GPBP1L1: variants seen among roughly 807,000 people sequenced by gnomAD.
GPBP1L1 encodes vasculin-like protein 1.
In GPBP1L1, 23 loss-of-function variants were observed where a neutral mutation model predicts 52.5. That is an observed-to-expected ratio of 0.44 (90% CI 0.32 to 0.62). GPBP1L1 has a LOEUF of 0.62. Ranked by LOEUF, GPBP1L1 falls within the 20% of genes least tolerant of loss-of-function variation. The pLI is 0.06. For missense variants in GPBP1L1, 596 were observed against 579.3 expected, an observed-to-expected ratio of 1.03 and a Z score of -0.30; for synonymous variants, 243 against 203.1, an observed-to-expected ratio of 1.20 and a Z score of -1.67.
intron 2 of GPBP1L1, among the ~76,000 whole-genome samples, chr1:45,681,952 A>T (rs1557725554): frequency 6.6e-6 from 1 of 152,236 alleles, no homozygotes; most frequent in East Asian, 1.9e-4. Flanking sequence ...TACCGAAATT[A>T]CTTAACTTCT....
At chr1:45,636,124 C>G (rs1412759307) in intron 8 of GPBP1L1, among the ~76,000 whole-genome samples, 1 of 152,158 alleles carries the variant, frequency 6.6e-6, no homozygotes, top group South Asian at 2.1e-4. Context: ...AACTTTCATC[C>G]TTATATTACA....
chr1:45,665,743 T>TA lies in GPBP1L1; in HGVS notation c.-1097-4519dup, dbSNP rs949281797. 6.1e-3 allele frequency among the ~76,000 whole-genome samples: 667 copies of TA among 109,612 alleles called. 4 individuals are homozygous for TA. The highest frequency in any genetic ancestry group is 7.3e-3 in the Non-Finnish European group (405 of 55,776). The allele number at this position is 109,612 out of a possible 152,430, so 71.9% of individuals were successfully genotyped here. A position where few individuals can be genotyped will look rare whatever the true frequency, so the allele number is the denominator to read the frequency against. On this transcript the variant is annotated intron_variant, in intron 2 of 12. Coordinates refer to ENST00000355105, the MANE Select transcript of GPBP1L1 (RefSeq NM_021639.5). ...TGGGCAACAGAGCGAGACGCCGTCT[T>TA]AAAAAAAAAAAAAAAAAAAAAAAAG... is the stretch of plus-strand genomic sequence containing the variant.
At chr1:45,674,707 A>T (rs2148509750) in intron 2 of GPBP1L1, among the ~76,000 whole-genome samples, 1 of 152,356 alleles carries the variant, frequency 6.6e-6, no homozygotes, top group East Asian at 1.9e-4. Flanking sequence ...AACAGTAAAC[A>T]CCTGATACTG....
rs765773919 is a variant in GPBP1L1, at chr1:45,633,615, G to C, written c.918C>G (p.Ile306Met). ...SPSSTTPPIE[I>M]SSSRLTKLTR... The stretch of plus-strand genomic sequence containing the variant: ...TCAACTTGGTCAGACGAGAGGAGCT[G>C]ATCTCAATTGGAGGGGTGGTGCTGG... Residue 306 changes from isoleucine (I) to methionine (M), a missense_variant, in exon 10 of 13, where the codon ATC (isoleucine) becomes ATG (methionine). Transcript: ENST00000355105. 49 of 1,613,874 alleles carry C rather than the reference G, an allele frequency of 3.0e-5. No homozygotes were observed. Among genetic ancestry groups the C allele is most frequent in the Middle Eastern group, 3.3e-4 (2 of 6,084 alleles).
At chr1:45,651,077 C>T in intron 6 of GPBP1L1, 1 of 502,310 alleles carries the variant, frequency 2.0e-6, no homozygotes, top group Non-Finnish European at 4.0e-6. Context: ...TTGAGCTTGG[C>T]AATGCGAGTC....
At chr1:45,635,437 CTGTCTT>C (rs1267871589) in intron 8 of GPBP1L1, 1 of 152,154 alleles carries the variant, frequency 6.6e-6, no homozygotes, top group Non-Finnish European at 1.5e-5. Flanking sequence ...ACCAGATGTC[CTGTCTT>C]TAAAACAATG....
chr1:45,639,753 C>T (rs1181956324), intron 8 of GPBP1L1, among the ~76,000 whole-genome samples: 1 of 151,784 alleles, frequency 6.6e-6, no homozygotes, highest in Admixed American at 6.6e-5. Context: ...TGGTGGCGGG[C>T]GCCTGTAGTC....
chr1:45,640,436 T>A, intron 7 of GPBP1L1, 33 bp from the exon 8 acceptor site: 1 of 1,549,184 alleles, frequency 6.5e-7, no homozygotes, highest in South Asian at 1.1e-5. Context: ...GACAACAGAA[T>A]GTCAAACCTG....
intron 2 of GPBP1L1, among the ~76,000 whole-genome samples, chr1:45,680,525 C>T (rs1645199536): frequency 6.6e-6 from 1 of 152,012 alleles, no homozygotes; most frequent in East Asian, 1.9e-4. Flanking sequence ...AGTTGTGAGC[C>T]ACCATGACCA....
intron 3 of GPBP1L1, among the ~76,000 whole-genome samples, chr1:45,659,389 G>C (rs563172205): frequency 6.6e-6 from 1 of 152,104 alleles, no homozygotes; most frequent in African/African-American, 2.4e-5. Context: ...GGAGAGGAAG[G>C]GTCTTGCTAT....
chr1:45,653,112 C>T (rs1489250365), intron 6 of GPBP1L1, among the ~76,000 whole-genome samples: 1 of 152,186 alleles, frequency 6.6e-6, no homozygotes, highest in African/African-American at 2.4e-5. Context: ...ATATAATTTA[C>T]AGCAAGGACC....
rs1211162440 is a variant in GPBP1L1, at chr1:45,627,621, C to CA, written c.*634dup. The CA allele has an allele frequency of 6.6e-6, 1 of 151,476 alleles. No homozygotes were observed. Among genetic ancestry groups the CA allele is most frequent in the East Asian group, 1.9e-4 (1 of 5,142 alleles). The allele number at this position is 151,476 out of a possible 1,614,324, so 9.4% of individuals were successfully genotyped here. A position where few individuals can be genotyped will look rare whatever the true frequency, so the allele number is the denominator to read the frequency against. ...AATAATCTTAATCTTTGAAATCTCA[C>CA]AAAAATTTATATTTTACAATCCACC... is the stretch of plus-strand genomic sequence containing the variant. On this transcript the variant is annotated 3_prime_UTR_variant, in exon 13 of 13. Transcript: ENST00000355105.
intron 2 of GPBP1L1, among the ~76,000 whole-genome samples, chr1:45,665,266 C>A (rs1405245949): frequency 2.0e-5 from 3 of 151,634 alleles, no homozygotes; most frequent in African/African-American, 7.3e-5. Flanking sequence ...GGGAGACTCT[C>A]ACAAAGAAAA....
chr1:45,629,454 T>TTTCCCCCCCCCCCCCCC (rs758811981), intron 12 of GPBP1L1, 122 bp downstream of exon 12: 5 of 117,618 alleles, frequency 4.3e-5, no homozygotes, highest in Non-Finnish European at 8.1e-5. Context: ...ACTAAGGTAA[T>TTTCCCCCCCCCCCCCCC]CCCCCCCCCC....
chr1:45,659,813 C>T (rs903394183), intron 3 of GPBP1L1, among the ~76,000 whole-genome samples: 3 of 152,040 alleles, frequency 2.0e-5, no homozygotes, highest in African/African-American at 4.8e-5. Flanking sequence ...TGGTGGCACA[C>T]GTCTGTGGTC....
chr1:45,677,843 T>C (rs1044296682), intron 2 of GPBP1L1, among the ~76,000 whole-genome samples: 11 of 152,220 alleles, frequency 7.2e-5, no homozygotes, highest in African/African-American at 9.6e-5. Flanking sequence ...ATTCTGACAC[T>C]ACAAAGTGTT....
chr1:45,680,148 A>G (rs1418125419), intron 2 of GPBP1L1, among the ~76,000 whole-genome samples: 2 of 152,204 alleles, frequency 1.3e-5, no homozygotes, highest in East Asian at 3.8e-4. Flanking sequence ...GATTACAAGT[A>G]AACAGGCTAT....
intron 11 of GPBP1L1, 74 bp from the exon 12 acceptor site, chr1:45,629,752 C>T: frequency 9.7e-7 from 1 of 1,025,690 alleles, no homozygotes; most frequent in Non-Finnish European, 1.5e-6. Flanking sequence ...CCACTTTTCA[C>T]AGAAAAGTTT....
At position 45,683,651 on chromosome 1, in the gene GPBP1L1, GATTGCTTGAGTCCCTGAGTTCGAGACC is replaced by G. The variant is rs1394949405; in HGVS notation, c.-1098+1898_-1098+1924del. Among the ~76,000 whole-genome samples, 17 of 149,846 alleles carry G rather than the reference GATTGCTTGAGTCCCTGAGTTCGAGACC, an allele frequency of 1.1e-4. No homozygotes were observed. The South Asian group carries it at 1.3e-3, about 11-fold the overall frequency. ...ACACTTTGGGAGGCCAAAGTGAGCA[GATTGCTTGAGTCCCTGAGTTCGAGACC>G]ATTGCTTGAGTCCCTGAGTTCGAGA... On this transcript the variant is annotated intron_variant, in intron 2 of 12. Transcript: ENST00000355105.
Sources: gnomAD v4.1 joint callset for allele counts (sites outside exome capture counted in the v4.1 genomes callset) on GRCh38, gnomAD v4.1.1 for gene constraint, MANE v1.5 for transcripts, NCBI Gene and HGNC (gene_info 2026-07-23, HGNC 2026-07-21) for gene names.